The following GNG5 variants were observed in gnomAD, a reference collection of about 807,000 sequenced individuals.
The protein encoded by GNG5 is guanine nucleotide-binding protein G(I)/G(S)/G(O) subunit gamma-5.
A neutral mutation model predicts 6.2 loss-of-function variants in GNG5; 2 were observed. That is an observed-to-expected ratio of 0.32 (90% CI 0.13 to 1.01). The LOEUF is 1.01. Among genes scored for constraint, GNG5 ranks in the 50% least tolerant of loss-of-function variants. GNG5 has a pLI of 0.48. For missense variants in GNG5, 57 were observed against 80.2 expected (o/e 0.71, Z 1.10); for synonymous variants, 24 against 33.0 (o/e 0.73, Z 0.93).
intron 3 of GNG5, among the ~76,000 whole-genome samples, chr1:84,499,416 T>G (rs566410229): frequency 1.5e-4 from 23 of 152,320 alleles, no homozygotes; most frequent in African/African-American, 5.5e-4. Context: ...GCAGGGGATA[T>G]CAAGTACAAC....
chr1:84,504,158 G>T (rs909265728), intron 2 of GNG5, among the ~76,000 whole-genome samples: 1 of 152,088 alleles, frequency 6.6e-6, no homozygotes, highest in Non-Finnish European at 1.5e-5. Context: ...ACACATAAAG[G>T]TTAAAAGTAA....
At chr1:84,505,321 C>T (rs1320673543) in intron 2 of GNG5, among the ~76,000 whole-genome samples, 2 of 152,176 alleles carry the variant, frequency 1.3e-5, no homozygotes, top group African/African-American at 4.8e-5. Flanking sequence ...TCATTTTCTC[C>T]GGCATGCGGA....
intron 2 of GNG5, chr1:84,503,882 G>C (rs41302796): frequency 0.054 from 8,211 of 152,276 alleles, 308 homozygotes; most frequent in Non-Finnish European, 0.077. Flanking sequence ...TGTCTGAGGT[G>C]ACATTGAAGC....
At position 84,506,285 on chromosome 1, in the gene GNG5, C is replaced by T. The variant is rs1440872392; in HGVS notation, c.-194G>A. 2 of 429,990 alleles carry T rather than the reference C, an allele frequency of 4.7e-6. No individual in the cohort carries two copies. Among genetic ancestry groups the T allele is most frequent in the Admixed American group, 4.6e-5 (1 of 21,886 alleles). The allele number at this position is 429,990 out of a possible 1,614,324, so 26.6% of individuals were successfully genotyped here. A position where few individuals can be genotyped will look rare whatever the true frequency, so the allele number is the denominator to read the frequency against. On this transcript the variant is annotated 5_prime_UTR_variant, in exon 2 of 4. Transcript: ENST00000370645. ...CAGCCCTCTGTTCCAGCTCCACACC[C>T]GGCCCCGAGCGCGAGCCTGGAGGAG...
At chr1:84,499,093 T>G (rs1464083368) in intron 3 of GNG5, among the ~76,000 whole-genome samples, 1 of 152,190 alleles carries the variant, frequency 6.6e-6, no homozygotes, top group Non-Finnish European at 1.5e-5. Flanking sequence ...TAAGTTATGT[T>G]TTCAAACCAT....
At chr1:84,503,095 G>A (rs1456472006) in intron 2 of GNG5, among the ~76,000 whole-genome samples, 3 of 152,232 alleles carry the variant, frequency 2.0e-5, no homozygotes, top group African/African-American at 7.2e-5. Flanking sequence ...ACACTGGGCA[G>A]AAATCTGTCA....
chr1:84,501,774 G>T, intron 3 of GNG5, 52 bp downstream of exon 3: 1 of 1,066,942 alleles, frequency 9.4e-7, no homozygotes, highest in Non-Finnish European at 1.4e-6. Flanking sequence ...AGAAAGAGAA[G>T]ACTAGTTATT....
intron 2 of GNG5, among the ~76,000 whole-genome samples, chr1:84,505,681 C>G (rs1478591182): frequency 6.6e-6 from 1 of 152,200 alleles, no homozygotes; most frequent in East Asian, 1.9e-4. Flanking sequence ...CGCGGAGGCG[C>G]AGCTGTTGGT....
At position 84,498,555 on chromosome 1, in the gene GNG5, TG is replaced by T. The variant is rs35532023; in HGVS notation, c.*20-8del. ...AAGGAGTGGTTTGGGAAACCTAAGA[TG>T]GGGAAAAAAAAAAAAAGGTGAGTTA... On this transcript the variant is annotated splice_polypyrimidine_tract_variant and splice_region_variant and intron_variant, in intron 3 of 3. Transcript: ENST00000370645. 87,384 of 122,056 alleles carry T rather than the reference TG, an allele frequency of 0.72. 27,952 individuals are homozygous for T. The highest frequency in any genetic ancestry group is 0.79 in the East Asian group (3,787 of 4,766). The allele number at this position is 122,056 out of a possible 1,614,324, so 7.6% of individuals were successfully genotyped here. A position where few individuals can be genotyped will look rare whatever the true frequency, so the allele number is the denominator to read the frequency against.
chr1:84,505,923 G>GT (rs1316115987), intron 2 of GNG5, 88 bp downstream of exon 2: 1 of 937,974 alleles, frequency 1.1e-6, no homozygotes. Context: ...GGGCCGGCGC[G>GT]TGTCCCGCCC....
chr1:84,501,774 G>A, intron 3 of GNG5, 52 bp downstream of exon 3: 2 of 1,066,948 alleles, frequency 1.9e-6, no homozygotes, highest in South Asian at 2.6e-5. Flanking sequence ...AGAAAGAGAA[G>A]ACTAGTTATT....
rs756275877 is a variant in GNG5 at position 84,506,142 on chromosome 1, G to A, written c.-51C>T. 4 of 1,486,604 alleles carry A rather than the reference G, an allele frequency of 2.7e-6. No individual in the cohort carries two copies. Among genetic ancestry groups the A allele is most frequent in the Admixed American group, 2.0e-5 (1 of 49,700 alleles). 92.1% of individuals were successfully genotyped at this position (1,486,604 alleles called of 1,614,324 possible). ...CGTGGGTCGGTGGGTCGTGGGCCGT[G>A]GGTCGGCGGGGCCAGACAACTCAGC... On this transcript the variant is annotated 5_prime_UTR_variant, in exon 2 of 4. Transcript: ENST00000370645.
intron 3 of GNG5, among the ~76,000 whole-genome samples, chr1:84,501,172 G>A (rs1186299679): frequency 1.3e-5 from 2 of 151,958 alleles, no homozygotes; most frequent in Non-Finnish European, 2.9e-5. Context: ...CTGAAATTCA[G>A]TCCACTGTCT....
chr1:84,500,528 AC>A (rs527592292), intron 3 of GNG5, among the ~76,000 whole-genome samples: 71 of 152,370 alleles, frequency 4.7e-4, no homozygotes, highest in Middle Eastern at 6.8e-3. Flanking sequence ...GGTTAAAAAA[AC>A]AATCATTAAT....
intron 2 of GNG5, among the ~76,000 whole-genome samples, 159 bp from the exon 3 acceptor site, chr1:84,502,129 GCT>G (rs1682070046): frequency 6.9e-6 from 1 of 145,610 alleles, no homozygotes; most frequent in South Asian, 2.1e-4. Context: ...CAAATAGTGA[GCT>G]CTTTTTTTTT....
At position 84,501,735 on chromosome 1, in the gene GNG5, G is replaced by A. The variant is rs1199336427; in HGVS notation, c.*19+91C>T. On this transcript the variant is annotated intron_variant, in intron 3 of 3. Coordinates refer to ENST00000370645, the MANE Select transcript of GNG5 (RefSeq NM_005274.3). ...CTGGAAATGGAGGGCCAAAGGAAAG[G>A]GCATGGGATGATCTTTTAAGTGCTG... The A allele has an allele frequency of 6.4e-6, 5 of 778,916 alleles. No homozygotes were observed. In the East Asian group the frequency reaches 7.5e-5, roughly 12 times the overall value. 48.3% of individuals were successfully genotyped at this position (778,916 alleles called of 1,614,324 possible).
At chr1:84,502,228 G>A (rs898896726) in intron 2 of GNG5, among the ~76,000 whole-genome samples, 4 of 148,104 alleles carry the variant, frequency 2.7e-5, no homozygotes, top group African/African-American at 1.0e-4. Flanking sequence ...CCTCCGCCTC[G>A]GTTCAAGCGA....
At chr1:84,499,704 C>G (rs910147524) in intron 3 of GNG5, among the ~76,000 whole-genome samples, 2 of 152,102 alleles carry the variant, frequency 1.3e-5, no homozygotes, top group Admixed American at 6.5e-5. Context: ...TTTTTTTGTG[C>G]ATACATGTTC....
chr1:84,505,378 T>C (rs990141227), intron 2 of GNG5, among the ~76,000 whole-genome samples: 6 of 152,156 alleles, frequency 3.9e-5, no homozygotes, highest in African/African-American at 9.7e-5. Context: ...GTGCCATAGG[T>C]ATGAAATGCA....
Sources: gnomAD v4.1 joint callset for allele counts (sites outside exome capture counted in the v4.1 genomes callset) on GRCh38, gnomAD v4.1.1 for gene constraint, MANE v1.5 for transcripts, NCBI Gene and HGNC (gene_info 2026-07-23, HGNC 2026-07-21) for gene names.